Variants in CSMD3 observed in about 807,000 individuals in gnomAD.
The protein encoded by CSMD3 is CUB and sushi domain-containing protein 3.
A neutral mutation model predicts 435.2 loss-of-function variants in CSMD3; 177 were observed. The ratio of observed to expected loss-of-function variants is 0.41; its 90% confidence interval spans 0.36 to 0.46. The LOEUF is 0.46. Among genes scored for constraint, CSMD3 ranks in the 20% least tolerant of loss-of-function variants. The pLI is 0.34. For synonymous variants in CSMD3, 1,656 were observed against 1,520.5 expected (o/e 1.09, Z -2.07); for missense variants, 4,265 against 4,504.6 (o/e 0.95, Z 1.52).
At chr8:112,674,514 C>T (rs2075729607) in intron 16 of CSMD3, among the ~76,000 whole-genome samples, 1 of 152,118 alleles carries the variant, frequency 6.6e-6, no homozygotes, top group Non-Finnish European at 1.5e-5. Flanking sequence ...TGCCTGTCTG[C>T]TCCCATCCCT....
At chr8:113,255,671 C>A (rs191120571) in intron 3 of CSMD3, among the ~76,000 whole-genome samples, 54 of 151,646 alleles carry the variant, frequency 3.6e-4, no homozygotes, top group Non-Finnish European at 5.6e-4. Context: ...ATAAAGGGTG[C>A]CAACAAATAA....
At chr8:112,726,679 C>G (rs543741537) in intron 13 of CSMD3, among the ~76,000 whole-genome samples, 2 of 151,768 alleles carry the variant, frequency 1.3e-5, no homozygotes. Context: ...AGGATTTTAG[C>G]CTTTCCTATT....
At chr8:112,701,833 G>A (rs1333888599) in intron 13 of CSMD3, among the ~76,000 whole-genome samples, 1 of 152,108 alleles carries the variant, frequency 6.6e-6, no homozygotes, top group Non-Finnish European at 1.5e-5. Flanking sequence ...GTGCCCTGAG[G>A]CATGACATCT....
Position 112,975,833 on chromosome 8 carries a change from A to G in CSMD3, c.1342+4T>C. 2 of 1,612,844 alleles carry G rather than the reference A, an allele frequency of 1.2e-6. No homozygotes were observed. Among genetic ancestry groups the G allele is most frequent in the Non-Finnish European group, 1.7e-6 (2 of 1,179,784 alleles). On this transcript the variant is annotated splice_donor_region_variant and intron_variant, in intron 7 of 70. Transcript: ENST00000297405. The stretch of plus-strand genomic sequence containing the variant: ...ATGGGCACAAGTAAAATAACATCCA[A>G]TACCTCTATGAGTAACAACTGCAAG...
chr8:112,291,232 A>C (rs538512863), intron 56 of CSMD3, among the ~76,000 whole-genome samples: 21 of 152,036 alleles, frequency 1.4e-4, no homozygotes, highest in African/African-American at 4.6e-4. Context: ...AGACGATAAT[A>C]TTGTAAAGTA....
rs549907785 is a variant in CSMD3 at position 112,278,190 on chromosome 8, G to A, written c.9508+2984C>T. On this transcript the variant is annotated intron_variant, in intron 59 of 70. Coordinates refer to ENST00000297405, the MANE Select transcript of CSMD3 (RefSeq NM_198123.2). ...TGGCAGTGAGTAGGGTGGCCCAAGG[G>A]ATGACTATCATTACCTGAGGGACTT... Among the ~76,000 whole-genome samples, 4 of 152,266 alleles carry A rather than the reference G, an allele frequency of 2.6e-5. No individual in the cohort carries two copies. The East Asian group carries it at 7.8e-4, about 30-fold the overall frequency.
chr8:113,142,349 G>A (rs936118595), intron 4 of CSMD3, among the ~76,000 whole-genome samples: 2 of 151,178 alleles, frequency 1.3e-5, no homozygotes, highest in African/African-American at 2.4e-5. Context: ...TGGATGAATT[G>A]TTCTACTCAA....
At chr8:113,101,950 A>C (rs1447570745) in intron 4 of CSMD3, among the ~76,000 whole-genome samples, 1 of 152,154 alleles carries the variant, frequency 6.6e-6, no homozygotes, top group African/African-American at 2.4e-5. Flanking sequence ...TTCTGTAATT[A>C]TGAATTCATA....
At chr8:112,265,275 C>T (rs1046907905) in intron 60 of CSMD3, 136 bp downstream of exon 60, 2 of 442,544 alleles carry the variant, frequency 4.5e-6, no homozygotes, top group Non-Finnish European at 7.8e-6. Flanking sequence ...TAAGAAACAG[C>T]CATTTTTAGT....
intron 12 of CSMD3, among the ~76,000 whole-genome samples, chr8:112,816,588 T>A (rs956693849): frequency 4.6e-5 from 7 of 152,032 alleles, no homozygotes; most frequent in African/African-American, 1.7e-4. Flanking sequence ...GCAGAAGAAT[T>A]TGTTCAAGGC....
At chr8:112,748,762 C>G (rs570749065) in intron 13 of CSMD3, among the ~76,000 whole-genome samples, 6 of 152,020 alleles carry the variant, frequency 3.9e-5, no homozygotes, top group Non-Finnish European at 7.4e-5. Flanking sequence ...TAAGTTGATT[C>G]CATGTCTTTA....
intron 13 of CSMD3, among the ~76,000 whole-genome samples, chr8:112,748,418 T>C (rs969846018): frequency 6.6e-6 from 1 of 152,208 alleles, no homozygotes; most frequent in African/African-American, 2.4e-5. Flanking sequence ...CAGGGGTTTG[T>C]TGTACATATT....
intron 35 of CSMD3, among the ~76,000 whole-genome samples, chr8:112,405,212 C>A (rs71508413): frequency 0.84 from 27,410 of 32,766 alleles, 12,345 homozygotes; most frequent in Middle Eastern, 0.92. Context: ...AAAAAAAACC[C>A]CCATATATAT....
At position 112,314,552 on chromosome 8, in the gene CSMD3, C is replaced by G. The variant is rs1822282154; in HGVS notation, c.7426G>C (p.Asp2476His). ...CACATTTGAAGATTTGGGTAACTGT[C>G]AGGATATCCAGGGCTCAATATGACT... The part of the protein sequence containing the change: ...TGVILSPGYP[D>H]SYPNLQMCAW... The change falls in exon 48 of 71, where the codon GAC becomes CAC. Residue 2476 changes from aspartate to histidine, a missense_variant. Around this residue, in one of 3 missense-constraint regions of CSMD3, gnomAD observed 3,255 missense variants for 3,380.2 expected, o/e 0.96. Transcript: ENST00000297405. The G allele has an allele frequency of 6.2e-7, 1 of 1,612,040 alleles. No homozygotes were observed. The highest frequency in any genetic ancestry group is 1.3e-5 in the African/African-American group (1 of 74,852).
At chr8:112,512,531 C>T (rs1232710778) in intron 28 of CSMD3, among the ~76,000 whole-genome samples, 1 of 152,108 alleles carries the variant, frequency 6.6e-6, no homozygotes, top group Non-Finnish European at 1.5e-5. Context: ...CAACAATGGG[C>T]TTAAAATATT....
chr8:112,407,236 G>A (rs1243462648), intron 34 of CSMD3, among the ~76,000 whole-genome samples: 1 of 151,790 alleles, frequency 6.6e-6, no homozygotes, highest in African/African-American at 2.4e-5. Context: ...TTGCTATTGA[G>A]AAAGATAACT....
chr8:112,805,331 A>G (rs1833063689), intron 12 of CSMD3, among the ~76,000 whole-genome samples: 1 of 152,154 alleles, frequency 6.6e-6, no homozygotes, highest in Non-Finnish European at 1.5e-5. Flanking sequence ...GAAACAAGTC[A>G]ATTCATCACT....
At chr8:112,711,513 T>C (rs1257140328) in intron 13 of CSMD3, among the ~76,000 whole-genome samples, 2 of 152,164 alleles carry the variant, frequency 1.3e-5, no homozygotes, top group African/African-American at 4.8e-5. Flanking sequence ...TGGCATCTAA[T>C]ATGCTATTTT....
At chr8:112,645,909 C>CA (rs892482521) in intron 19 of CSMD3, among the ~76,000 whole-genome samples, 1 of 151,876 alleles carries the variant, frequency 6.6e-6, no homozygotes, top group Non-Finnish European at 1.5e-5. Context: ...CTGGAGGAAG[C>CA]AAAAAAATAT....
Sources: allele counts gnomAD v4.1 joint callset (sites outside exome capture counted in the v4.1 genomes callset), GRCh38; gene constraint gnomAD v4.1.1; regional missense constraint gnomAD v4.1.1; transcripts MANE v1.5; gene names NCBI Gene and HGNC (gene_info 2026-07-23, HGNC 2026-07-21).